NMNAT3: variants seen among roughly 807,000 people sequenced by gnomAD.
NMNAT3 encodes nicotinamide/nicotinic acid mononucleotide adenylyltransferase 3.
A neutral mutation model predicts 24.8 loss-of-function variants in NMNAT3; 21 were observed. The ratio of observed to expected loss-of-function variants is 0.85; its 90% CI spans 0.60 to 1.22. The LOEUF (loss-of-function observed/expected upper bound fraction) is 1.22, where lower values mean the gene tolerates loss of function less well. Among genes scored for constraint, NMNAT3 ranks in the 50% most tolerant of loss-of-function variants. The pLI is 0.00. For synonymous variants in NMNAT3, 136 were observed against 155.2 expected (o/e 0.88, Z 0.92); for missense variants, 387 against 436.6 (o/e 0.89, Z 1.01).
chr3:139,633,002 C>A (rs572202446), intron 2 of NMNAT3, among the ~76,000 whole-genome samples: 2 of 152,042 alleles, frequency 1.3e-5, no homozygotes, highest in Admixed American at 6.6e-5. Context: ...AAGAAGCAGT[C>A]GTCAGAGAAG....
chr3:139,610,356 G>A (rs183102409), intron 3 of NMNAT3, among the ~76,000 whole-genome samples: 23 of 152,238 alleles, frequency 1.5e-4, no homozygotes, highest in African/African-American at 5.3e-4. Flanking sequence ...GAAGGAAAAT[G>A]CTGTTTGTTA....
chr3:139,591,513 G>C (rs1302145519), intron 3 of NMNAT3, among the ~76,000 whole-genome samples: 2 of 152,156 alleles, frequency 1.3e-5, no homozygotes, highest in Non-Finnish European at 2.9e-5. Context: ...ACCTCTGGGG[G>C]CAGGGTACAG....
At chr3:139,573,757 T>C in intron 5 of NMNAT3, 77 bp from the exon 6 acceptor site, 1 of 765,190 alleles carries the variant, frequency 1.3e-6, no homozygotes. Context: ...TCAGATTTTG[T>C]CTCAGCCTGC....
rs550719330 is a variant in NMNAT3, at chr3:139,591,320, G to A, written c.110-8112C>T. Among the ~76,000 whole-genome samples, 147 of 152,176 alleles carry A rather than the reference G, an allele frequency of 9.7e-4. 2 individuals are homozygous for A. Among genetic ancestry groups the A allele is most frequent in the African/African-American group, 3.4e-3 (140 of 41,490 alleles). Reference sequence around the variant, plus strand: ...CCACACCTGGCTCAGAGGGTCCTACGCCCACGGAATCGCGCTGATTGCTAG... The same window carrying A: ...CCACACCTGGCTCAGAGGGTCCTACACCCACGGAATCGCGCTGATTGCTAG... On this transcript the variant is annotated intron_variant, in intron 3 of 6. Transcript: ENST00000643695.
intron 3 of NMNAT3, among the ~76,000 whole-genome samples, chr3:139,608,895 G>C (rs9834533): frequency 0.93 from 141,417 of 152,238 alleles, 66,592 homozygotes; most frequent in South Asian, 1. Flanking sequence ...CTTCTCTCCT[G>C]TCTCCCAAAC....
chr3:139,658,564 T>C (rs7625738), intron 1 of NMNAT3, among the ~76,000 whole-genome samples: 88,587 of 152,122 alleles, frequency 0.58, 26,395 homozygotes, highest in East Asian at 0.71. Context: ...AAAAGAATTT[T>C]AAAGTGAACA....
intron 1 of NMNAT3, among the ~76,000 whole-genome samples, chr3:139,674,871 T>C (rs16849305): frequency 0.41 from 61,947 of 151,974 alleles, 12,876 homozygotes; most frequent in Non-Finnish European, 0.45. Context: ...GCATGTTGTA[T>C]ACTGAGGTCA....
At chr3:139,617,771 C>T (rs2055578636) in intron 3 of NMNAT3, among the ~76,000 whole-genome samples, 1 of 152,116 alleles carries the variant, frequency 6.6e-6, no homozygotes, top group South Asian at 2.1e-4. Flanking sequence ...GTAATTCAAT[C>T]TCTATTAGTA....
chr3:139,607,176 A>G (rs531066426), intron 3 of NMNAT3, among the ~76,000 whole-genome samples: 59 of 151,912 alleles, frequency 3.9e-4, no homozygotes, highest in Middle Eastern at 3.4e-3. Flanking sequence ...ATCTGCAACT[A>G]TCTATATCTA....
chr3:139,560,295 T>C lies in NMNAT3; in HGVS notation c.*715A>G, dbSNP rs1163007551. The C allele has an allele frequency of 1.3e-5, 2 of 152,656 alleles. No individual in the cohort carries two copies. The highest frequency in any genetic ancestry group is 2.9e-5 in the Non-Finnish European group (2 of 68,034). The allele number at this position is 152,656 out of a possible 1,614,324, so 9.5% of individuals were successfully genotyped here. A position where few individuals can be genotyped will look rare whatever the true frequency, so the allele number is the denominator to read the frequency against. ...CCTTTAAAACGGTCAGGCATCTGTT[T>C]TACCTCAGTTCCTTTTTAGAAACCT... On this transcript the variant is annotated 3_prime_UTR_variant, in exon 7 of 7. Coordinates refer to ENST00000643695, the MANE Select transcript of NMNAT3 (RefSeq NM_001320510.2).
chr3:139,596,431 T>C (rs920946048), intron 3 of NMNAT3, among the ~76,000 whole-genome samples: 27 of 152,200 alleles, frequency 1.8e-4, no homozygotes, highest in African/African-American at 6.0e-4. Flanking sequence ...TGCTTTTTTT[T>C]CCCTTCCAAA....
intron 1 of NMNAT3, among the ~76,000 whole-genome samples, chr3:139,649,157 G>T (rs1005994278): frequency 1.1e-4 from 17 of 152,092 alleles, no homozygotes; most frequent in African/African-American, 4.1e-4. Flanking sequence ...ATGCAATAAA[G>T]ATACACTATG....
intron 3 of NMNAT3, among the ~76,000 whole-genome samples, chr3:139,591,943 C>T (rs2054210726): frequency 6.6e-6 from 1 of 152,220 alleles, no homozygotes; most frequent in South Asian, 2.1e-4. Flanking sequence ...CAGTTCCTCA[C>T]CAGCAATGGA....
At chr3:139,599,426 C>G (rs1469668672) in intron 3 of NMNAT3, 1 of 702,110 alleles carries the variant, frequency 1.4e-6, no homozygotes, top group African/African-American at 1.7e-5. Flanking sequence ...GTTGTGTTGG[C>G]TGAAGTGCAC....
chr3:139,633,566 T>G (rs72974000), intron 2 of NMNAT3, among the ~76,000 whole-genome samples: 1,999 of 152,302 alleles, frequency 0.013, 46 homozygotes, highest in African/African-American at 0.045. Flanking sequence ...AACACCCATC[T>G]TTTTAGCGGC....
At chr3:139,645,861 C>G (rs578245786) in intron 1 of NMNAT3, among the ~76,000 whole-genome samples, 2 of 151,644 alleles carry the variant, frequency 1.3e-5, no homozygotes, top group African/African-American at 4.9e-5. Context: ...GTGACTCAAG[C>G]GATAAAAATG....
At chr3:139,632,092 C>T (rs575050971) in intron 2 of NMNAT3, among the ~76,000 whole-genome samples, 8 of 152,244 alleles carry the variant, frequency 5.3e-5, no homozygotes, top group African/African-American at 1.9e-4. Context: ...TTGGTCCTTT[C>T]AACTCCTAGC....
chr3:139,616,423 G>T (rs1413744682), intron 3 of NMNAT3, among the ~76,000 whole-genome samples: 1 of 152,042 alleles, frequency 6.6e-6, no homozygotes, highest in African/African-American at 2.4e-5. Flanking sequence ...CTCCTTACAG[G>T]TCTCTCTCAC....
At chr3:139,573,895 C>G (rs1389510398) in intron 5 of NMNAT3, among the ~76,000 whole-genome samples, 1 of 152,130 alleles carries the variant, frequency 6.6e-6, no homozygotes, top group Non-Finnish European at 1.5e-5. Context: ...AGACAGTCCA[C>G]TACTTTCCAT....
Sources: allele counts gnomAD v4.1 joint callset (sites outside exome capture counted in the v4.1 genomes callset), GRCh38; gene constraint gnomAD v4.1.1; transcripts MANE v1.5; gene names NCBI Gene and HGNC (gene_info 2026-07-23, HGNC 2026-07-21).